The following TRDMT1 variants were observed in gnomAD, a reference collection of about 807,000 sequenced individuals.
TRDMT1 encodes the protein tRNA aspartic acid methyltransferase 1.
A neutral mutation model predicts 51.2 loss-of-function variants in TRDMT1; 49 were observed. The observed-to-expected ratio is 0.96, with a 90% CI of 0.76 to 1.21. The LOEUF (loss-of-function observed/expected upper bound fraction) is 1.21, where lower values mean the gene tolerates loss of function less well. TRDMT1 is among the 50% of genes most tolerant of loss of function. TRDMT1 has a pLI of 0.00. For missense variants in TRDMT1, 534 were observed against 462.3 expected (o/e 1.16, Z -1.42); for synonymous variants, 187 against 164.6 (o/e 1.14, Z -1.04).
intron 1 of TRDMT1, among the ~76,000 whole-genome samples, chr10:17,199,987 T>C (rs2131643883): frequency 6.6e-6 from 1 of 152,340 alleles, no homozygotes; most frequent in African/African-American, 2.4e-5. Context: ...TGATAATACA[T>C]ATCCCTGATG....
rs1205624428 is a variant in TRDMT1, at chr10:17,148,581, G to T, written c.*459C>A. On this transcript the variant is annotated 3_prime_UTR_variant, in exon 11 of 11. Coordinates refer to ENST00000377799, the MANE Select transcript of TRDMT1 (RefSeq NM_004412.7). ...TATGCATTTGTTTAGATGAAATAAAGAAATATTTACAGGATTGGAAATTAA... is the reference window on the plus strand; with the variant it reads ...TATGCATTTGTTTAGATGAAATAAATAAATATTTACAGGATTGGAAATTAA... 2.0e-6 allele frequency: 2 copies of T among 976,248 alleles called. No homozygotes were observed. Among genetic ancestry groups the T allele is most frequent in the East Asian group, 1.1e-4 (1 of 8,796 alleles). 60.5% of individuals were successfully genotyped at this position (976,248 alleles called of 1,614,324 possible).
rs537758874 is a variant in TRDMT1, at chr10:17,141,408, C to A, written c.*7632G>T. On this transcript the variant is annotated 3_prime_UTR_variant, in exon 11 of 11. Transcript: ENST00000377799. ...ATCTCCTGACCTTATGATCTGCCCC[C>A]CTTCGCCTCCTAAAGTGCTGGGATT... is the stretch of plus-strand genomic sequence containing the variant. Among the ~76,000 whole-genome samples, 1 of 152,146 alleles carries A rather than the reference C, an allele frequency of 6.6e-6. No individual in the cohort carries two copies. The highest frequency in any genetic ancestry group is 1.5e-5 in the Non-Finnish European group (1 of 68,036).
Position 17,143,880 on chromosome 10 carries a change from A to C in TRDMT1, c.*5160T>G, listed in dbSNP as rs778312246. On this transcript the variant is annotated 3_prime_UTR_variant, in exon 11 of 11. Transcript: ENST00000377799. ...TAAAGTCAAGAGTGGAACTGACTAT[A>C]GAATGGAGTGTGCTTAGGTTGCAAG... 5.8e-5 allele frequency: 57 copies of C among 985,146 alleles called. No homozygotes were observed. The highest frequency in any genetic ancestry group is 6.7e-5 in the Non-Finnish European group (56 of 829,912). The allele number at this position is 985,146 out of a possible 1,614,324, so 61.0% of individuals were successfully genotyped here.
At chr10:17,172,645 A>G (rs1299642928) in intron 2 of TRDMT1, among the ~76,000 whole-genome samples, 1 of 152,258 alleles carries the variant, frequency 6.6e-6, no homozygotes, top group African/African-American at 2.4e-5. Flanking sequence ...AAGAAAAATT[A>G]TATCACATGC....
At chr10:17,201,458 TCCGCCCCACAG>T in intron 1 of TRDMT1, 102 bp downstream of exon 1, 1 of 1,176,218 alleles carries the variant, frequency 8.5e-7, no homozygotes, top group Non-Finnish European at 1.2e-6. Flanking sequence ...CCCCACAGTG[TCCGCCCCACAG>T]TGTCCGCCCC....
chr10:17,191,971 C>A (rs1844745851), intron 1 of TRDMT1, among the ~76,000 whole-genome samples: 2 of 152,126 alleles, frequency 1.3e-5, no homozygotes, highest in Admixed American at 1.3e-4. Flanking sequence ...TCGGCCATCA[C>A]CCCCTGACAG....
intron 8 of TRDMT1, among the ~76,000 whole-genome samples, chr10:17,156,552 G>C (rs960679873): frequency 6.6e-6 from 1 of 152,054 alleles, no homozygotes. Flanking sequence ...TTCTTAAAAA[G>C]GTCTAATTTT....
chr10:17,183,687 G>T (rs1843549655), intron 1 of TRDMT1, among the ~76,000 whole-genome samples: 1 of 152,128 alleles, frequency 6.6e-6, no homozygotes, highest in Non-Finnish European at 1.5e-5. Flanking sequence ...AAAGTGCTGG[G>T]ATTACAGGCA....
chr10:17,173,947 T>C lies in TRDMT1; in HGVS notation c.174+604A>G, dbSNP rs145599904. 8.2e-3 allele frequency among the ~76,000 whole-genome samples: 1,253 copies of C among 152,248 alleles called. 20 individuals are homozygous for C. The highest frequency in any genetic ancestry group is 0.028 in the African/African-American group (1,158 of 41,548). ...ACCTGGCTAATTTTTGTATTTTTAG[T>C]AGAGACCAGGTTTTGCTATGTCAGC... is the stretch of plus-strand genomic sequence containing the variant. On this transcript the variant is annotated intron_variant, in intron 2 of 10. Transcript: ENST00000377799.
chr10:17,186,386 G>A (rs547233477), intron 1 of TRDMT1, among the ~76,000 whole-genome samples: 1 of 152,216 alleles, frequency 6.6e-6, no homozygotes, highest in African/African-American at 2.4e-5. Flanking sequence ...AAGGACTGAG[G>A]AAGGTTAAAA....
At chr10:17,173,653 T>C (rs1268538784) in intron 2 of TRDMT1, among the ~76,000 whole-genome samples, 2 of 152,170 alleles carry the variant, frequency 1.3e-5, no homozygotes, top group African/African-American at 2.4e-5. Context: ...AAACTCAAAC[T>C]GCCCACTTAA....
At position 17,146,308 on chromosome 10, in the gene TRDMT1, C is replaced by G; in HGVS notation, c.*2732G>C. The G allele has an allele frequency of 2.0e-6, 2 of 985,410 alleles. No homozygotes were observed. The highest frequency in any genetic ancestry group is 2.4e-6 in the Non-Finnish European group (2 of 829,932). The allele number at this position is 985,410 out of a possible 1,614,324, so 61.0% of individuals were successfully genotyped here. A position where few individuals can be genotyped will look rare whatever the true frequency, so the allele number is the denominator to read the frequency against. On this transcript the variant is annotated 3_prime_UTR_variant, in exon 11 of 11. Transcript: ENST00000377799. The stretch of plus-strand genomic sequence containing the variant: ...GGAGGTATTTTCTCATCTTTCCAGA[C>G]ATAGGGCAGTGCCCATGGTGAAGGT...
At chr10:17,201,423 C>G (rs1419349955) in intron 1 of TRDMT1, 148 bp downstream of exon 1, 11 of 701,316 alleles carry the variant, frequency 1.6e-5, no homozygotes, top group South Asian at 4.2e-5. Context: ...CGCGCAGGAG[C>G]TGTTTCCAGG....
rs773618859 is a variant in TRDMT1, at chr10:17,147,799, C to A, written c.*1241G>T. ...CTGGTGTACAAATATCTGTTCAAGT[C>A]CCTGCTTTCAATTCTTTTGGATCTA... On this transcript the variant is annotated 3_prime_UTR_variant, in exon 11 of 11. Transcript: ENST00000377799. 3.9e-5 allele frequency: 7 copies of A among 178,840 alleles called. No homozygotes were observed. The highest frequency in any genetic ancestry group is 5.4e-5 in the Non-Finnish European group (5 of 92,518). 11.1% of individuals were successfully genotyped at this position (178,840 alleles called of 1,614,324 possible).
chr10:17,176,463 T>C (rs1842631174), intron 1 of TRDMT1, among the ~76,000 whole-genome samples: 1 of 152,172 alleles, frequency 6.6e-6, no homozygotes, highest in South Asian at 2.1e-4. Flanking sequence ...CAAATGAGTA[T>C]TTCATATGGT....
At chr10:17,192,715 C>T (rs754336736) in intron 1 of TRDMT1, among the ~76,000 whole-genome samples, 3 of 152,146 alleles carry the variant, frequency 2.0e-5, no homozygotes, top group Non-Finnish European at 2.9e-5. Flanking sequence ...ATACATTTCA[C>T]GTGTCTTGAG....
At chr10:17,181,555 G>C (rs1319755744) in intron 1 of TRDMT1, among the ~76,000 whole-genome samples, 1 of 152,114 alleles carries the variant, frequency 6.6e-6, no homozygotes, top group Non-Finnish European at 1.5e-5. Context: ...GATTATTACT[G>C]ATTACCCTCC....
intron 5 of TRDMT1, 114 bp downstream of exon 5, chr10:17,161,369 A>G: frequency 2.8e-6 from 2 of 703,098 alleles, no homozygotes; most frequent in Non-Finnish European, 4.0e-6. Flanking sequence ...AAGACATTTA[A>G]TATATAAAAT....
At chr10:17,196,945 G>C (rs1022975763) in intron 1 of TRDMT1, among the ~76,000 whole-genome samples, 1 of 152,096 alleles carries the variant, frequency 6.6e-6, no homozygotes, top group South Asian at 2.1e-4. Flanking sequence ...ACCTCTCAAG[G>C]GAAAACTGCG....
Sources: gnomAD v4.1 joint callset for allele counts (sites outside exome capture counted in the v4.1 genomes callset) on GRCh38, gnomAD v4.1.1 for gene constraint, MANE v1.5 for transcripts, NCBI Gene and HGNC (gene_info 2026-07-23, HGNC 2026-07-21) for gene names.